FAM184A: variants seen among roughly 807,000 people sequenced by gnomAD.
FAM184A encodes the protein family with sequence similarity 184 member A, also known as protein FAM184A.
In FAM184A, 99 loss-of-function variants were observed where a neutral mutation model predicts 143.8. The ratio of observed to expected loss-of-function variants is 0.69; its 90% CI spans 0.58 to 0.81. The LOEUF (loss-of-function observed/expected upper bound fraction) is 0.81, where lower values mean the gene tolerates loss of function less well. Ranked by LOEUF, FAM184A falls within the 40% of genes least tolerant of loss-of-function variation. The probability of loss-of-function intolerance (pLI) is 0.00; values close to 1 mark genes in which losing one functional copy is unlikely to be tolerated. For missense variants in FAM184A, 1,217 were observed against 1,310.5 expected, an observed-to-expected ratio of 0.93 and a Z score of 1.10; for synonymous variants, 427 against 446.4, an observed-to-expected ratio of 0.96 and a Z score of 0.55.
At chr6:119,103,826 C>G (rs552235595) in intron 1 of FAM184A, among the ~76,000 whole-genome samples, 2 of 149,428 alleles carry the variant, frequency 1.3e-5, no homozygotes, top group Non-Finnish European at 3.0e-5. Flanking sequence ...ACTTGGGAGG[C>G]TGAGGCAGGA....
intron 14 of FAM184A, among the ~76,000 whole-genome samples, chr6:118,970,144 C>T (rs1783651916): frequency 6.7e-6 from 1 of 149,206 alleles, no homozygotes; most frequent in African/African-American, 2.5e-5. Flanking sequence ...GCTGGGATTA[C>T]AAGTGTCTGC....
chr6:118,960,780 A>C, intron 17 of FAM184A: 1 of 1,364,790 alleles, frequency 7.3e-7, no homozygotes, highest in Non-Finnish European at 9.8e-7. Flanking sequence ...GTCTTTGGGG[A>C]AAATTACAAG....
chr6:119,085,352 A>G (rs1788191248), intron 1 of FAM184A, among the ~76,000 whole-genome samples: 1 of 152,226 alleles, frequency 6.6e-6, no homozygotes, highest in South Asian at 2.1e-4. Flanking sequence ...TCAAAGTTCC[A>G]CAGATCCCTA....
At chr6:119,141,752 C>G (rs542784968) in intron 1 of FAM184A, among the ~76,000 whole-genome samples, 2 of 152,182 alleles carry the variant, frequency 1.3e-5, no homozygotes, top group South Asian at 4.2e-4. Flanking sequence ...GCTGGGATTA[C>G]AGGTGTGAGC....
intron 1 of FAM184A, among the ~76,000 whole-genome samples, chr6:119,115,691 G>T (rs1789037168): frequency 6.6e-6 from 1 of 151,948 alleles, no homozygotes; most frequent in East Asian, 1.9e-4. Context: ...GGCAGGGTGT[G>T]GTGGCTCATG....
chr6:118,978,863 GT>G (rs1381027340), intron 11 of FAM184A, among the ~76,000 whole-genome samples: 1 of 152,176 alleles, frequency 6.6e-6, no homozygotes, highest in Non-Finnish European at 1.5e-5. Flanking sequence ...TACATATCCA[GT>G]TTTTCTTCAA....
At position 119,020,098 on chromosome 6, in the gene FAM184A, T is replaced by G. The variant is rs1352733115; in HGVS notation, c.1212A>C (p.Glu404Asp). Residue 404 changes from glutamate to aspartate, a missense_variant, in exon 4 of 18, where the codon GAA becomes GAC. Transcript: ENST00000338891. ...MTQEVTIKDL[E>D]SEKSRVNERL... The stretch of plus-strand genomic sequence containing the variant: ...TCTCATTGACTCTCGATTTTTCTGA[T>G]TCTAAATCTTTAATTGTAACTTCCT... 3.7e-6 allele frequency: 6 copies of G among 1,610,142 alleles called. No homozygotes were observed. Among genetic ancestry groups the G allele is most frequent in the Non-Finnish European group, 5.1e-6 (6 of 1,178,910 alleles).
chr6:118,966,974 G>T (rs746984839), intron 14 of FAM184A, 22 bp from the exon 15 acceptor site: 3 of 1,165,356 alleles, frequency 2.6e-6, no homozygotes, highest in South Asian at 2.6e-5. Context: ...AAAGACTTTA[G>T]CTCATTGATA....
intron 1 of FAM184A, among the ~76,000 whole-genome samples, chr6:119,074,342 C>G (rs924083908): frequency 1.3e-5 from 2 of 152,290 alleles, no homozygotes; most frequent in South Asian, 4.1e-4. Flanking sequence ...TGGTTTCCCC[C>G]TTGCAAGAGA....
chr6:118,979,227 A>G, intron 11 of FAM184A, 138 bp downstream of exon 11: 1 of 777,908 alleles, frequency 1.3e-6, no homozygotes, highest in South Asian at 2.0e-5. Flanking sequence ...GTAACTTCAA[A>G]TAAAATATGC....
intron 9 of FAM184A, among the ~76,000 whole-genome samples, chr6:118,994,605 G>C (rs745336916): frequency 2.6e-5 from 4 of 151,810 alleles, no homozygotes; most frequent in Admixed American, 1.3e-4. Context: ...AGAATTGCTT[G>C]AACCCGGGAG....
intron 1 of FAM184A, among the ~76,000 whole-genome samples, chr6:119,052,173 T>C (rs1019434219): frequency 2.6e-5 from 4 of 152,262 alleles, no homozygotes; most frequent in African/African-American, 9.6e-5. Context: ...ATTCAAAGAC[T>C]GAAAATAATT....
intron 1 of FAM184A, chr6:119,025,445 A>G (rs1785597335): frequency 1.9e-6 from 1 of 518,566 alleles, no homozygotes; most frequent in African/African-American, 1.9e-5. Flanking sequence ...TTCTCTTCAT[A>G]TTTCAAATGC....
At position 119,011,452 on chromosome 6, in the gene FAM184A, A is replaced by G. The variant is rs150339442; in HGVS notation, c.1531-21T>C. The G allele has an allele frequency of 3.9e-3, 5,366 of 1,383,736 alleles. 131 individuals are homozygous for G. The highest frequency in any genetic ancestry group is 0.022 in the East Asian group (893 of 41,158). The allele number at this position is 1,383,736 out of a possible 1,614,324, so 85.7% of individuals were successfully genotyped here. On this transcript the variant is annotated intron_variant, in intron 5 of 17. Coordinates refer to ENST00000338891, the MANE Select transcript of FAM184A (RefSeq NM_024581.6). ...AAATCCTTAGAAAAAGAAATTTTTT[A>G]AAAATTAACAAAATTGCAAGTATTA...
chr6:118,982,439 T>C (rs1784051893), intron 9 of FAM184A, among the ~76,000 whole-genome samples: 1 of 152,192 alleles, frequency 6.6e-6, no homozygotes, highest in Non-Finnish European at 1.5e-5. Flanking sequence ...GTGTGTCACA[T>C]GCAGAATAAC....
intron 1 of FAM184A, among the ~76,000 whole-genome samples, chr6:119,033,138 CTTATGTTTCTATAAAATGGGTCACTG>C (rs1785953869): frequency 6.6e-6 from 1 of 152,050 alleles, no homozygotes; most frequent in Non-Finnish European, 1.5e-5. Flanking sequence ...CTAAGGGAAT[CTTATGTTTCTATAAAATGGGTCACTG>C]TTTGGAGCCG....
intron 1 of FAM184A, among the ~76,000 whole-genome samples, chr6:119,095,396 G>A (rs1216474210): frequency 6.6e-6 from 1 of 152,102 alleles, no homozygotes. Context: ...GTTCCTGGGG[G>A]AAGAACTATA....
chr6:119,050,663 G>A (rs191915741), intron 1 of FAM184A, among the ~76,000 whole-genome samples: 4 of 152,058 alleles, frequency 2.6e-5, no homozygotes, highest in East Asian at 3.9e-4. Flanking sequence ...AAAATTAGCC[G>A]GGCGCGGTGG....
chr6:119,061,832 T>C (rs1382519645), intron 1 of FAM184A, among the ~76,000 whole-genome samples: 1 of 152,168 alleles, frequency 6.6e-6, no homozygotes, highest in Non-Finnish European at 1.5e-5. Context: ...AAAAGTACCC[T>C]GATCTGATCA....
Sources: gnomAD v4.1 joint callset for allele counts (sites outside exome capture counted in the v4.1 genomes callset) on GRCh38, gnomAD v4.1.1 for gene constraint, MANE v1.5 for transcripts, NCBI Gene and HGNC (gene_info 2026-07-23, HGNC 2026-07-21) for gene names.